The following NCBP2L variants were observed in gnomAD, a reference collection of about 807,000 sequenced individuals.
NCBP2L encodes nuclear cap binding protein subunit 2 like.
For missense variants in NCBP2L, 95 were observed against 53.1 expected, an observed-to-expected ratio of 1.79 and a Z score of -2.45; for synonymous variants, 39 against 19.2, an observed-to-expected ratio of 2.04 and a Z score of -2.70.
At position 107,794,982 on chromosome X, in the gene NCBP2L, G is replaced by T. The variant is rs1026477627; in HGVS notation, c.*300G>T. The T allele has an allele frequency of 6.8e-6, 1 of 148,090 alleles. No individual in the cohort carries two copies. The highest frequency in any genetic ancestry group is 3.1e-5 in the African/African-American group (1 of 31,934). The allele number at this position is 148,090 out of a possible 1,213,427, so 12.2% of individuals were successfully genotyped here. A position where few individuals can be genotyped will look rare whatever the true frequency, so the allele number is the denominator to read the frequency against. On this transcript the variant is annotated 3_prime_UTR_variant, in exon 2 of 2. Transcript: ENST00000509000. ...CAAAGCACAACTTCCCTTTTAAGAA[G>T]ATTTCTGTTGGATTCTATGGCCATG...
rs1569457155 is a variant in NCBP2L, at chrX:107,781,784, A to AGATATCTATATTTATATATAGATATC, written c.-73+3926_-73+3927insGATATCTATATTTATATATAGATATC. 2.2e-3 allele frequency among the ~76,000 whole-genome samples: 164 copies of AGATATCTATATTTATATATAGATATC among 73,397 alleles called. 1 individual carries two copies. The highest frequency in any genetic ancestry group is 7.0e-3 in the African/African-American group (123 of 17,584). The allele number at this position is 73,397 out of a possible 115,157, so 63.7% of individuals were successfully genotyped here. A position where few individuals can be genotyped will look rare whatever the true frequency, so the allele number is the denominator to read the frequency against. ...TATAGATATCTATATATATAGATCT[A>AGATATCTATATTTATATATAGATATC]TAGATATCTATATTTATATATAGAT... On this transcript the variant is annotated intron_variant, in intron 1 of 1. Transcript: ENST00000509000.
chrX:107,781,737 T>C (rs1414590845), intron 1 of NCBP2L, among the ~76,000 whole-genome samples: 6 of 86,245 alleles, frequency 7.0e-5, no homozygotes, highest in African/African-American at 2.6e-4. Context: ...TAGATCTATA[T>C]ATAGATATCT....
intron 1 of NCBP2L, among the ~76,000 whole-genome samples, chrX:107,781,216 CT>C (rs752190503): frequency 0.012 from 1,120 of 89,793 alleles, 11 homozygotes; most frequent in African/African-American, 0.039. Flanking sequence ...TGAAGGCCGG[CT>C]TTTTTTTTTT....
rs1239688588 is a variant in NCBP2L, at chrX:107,782,316, TATATATATAA to T, written c.-73+4468_-73+4477del. On this transcript the variant is annotated intron_variant, in intron 1 of 1. Transcript: ENST00000509000. ...ATATATATAAATATATATATAAATA[TATATATATAA>T]ATATATATATAAATATATATATATA... is the stretch of plus-strand genomic sequence containing the variant. Among the ~76,000 whole-genome samples the T allele has an allele frequency of 7.8e-5, 3 of 38,605 alleles. No homozygotes were observed. The African/African-American group carries it at 8.1e-4, about 10-fold the overall frequency. The allele number at this position is 38,605 out of a possible 115,157, so 33.5% of individuals were successfully genotyped here. A position where few individuals can be genotyped will look rare whatever the true frequency, so the allele number is the denominator to read the frequency against.
At chrX:107,793,440 G>T (rs1930477895) in intron 1 of NCBP2L, among the ~76,000 whole-genome samples, 1 of 111,594 alleles carries the variant, frequency 9.0e-6, no homozygotes, top group South Asian at 3.7e-4. Context: ...AGCTAAAACC[G>T]ACTAAATCGT....
At chrX:107,782,232 T>A (rs1205153342) in intron 1 of NCBP2L, among the ~76,000 whole-genome samples, 1 of 18,514 alleles carries the variant, frequency 5.4e-5, no homozygotes, top group African/African-American at 3.1e-4. Flanking sequence ...AATATATATA[T>A]ATAAATATAT....
chrX:107,781,483 T>C (rs1450228813), intron 1 of NCBP2L, among the ~76,000 whole-genome samples: 3 of 99,022 alleles, frequency 3.0e-5, no homozygotes, highest in African/African-American at 1.1e-4. Flanking sequence ...TTTTTTTTTT[T>C]TTTTTTTTTT....
chrX:107,782,227 A>G (rs1930311252), intron 1 of NCBP2L, among the ~76,000 whole-genome samples: 1 of 15,975 alleles, frequency 6.3e-5, no homozygotes, highest in African/African-American at 3.2e-4. Flanking sequence ...ATATAAATAT[A>G]TATATATAAA....
intron 1 of NCBP2L, among the ~76,000 whole-genome samples, 153 bp downstream of exon 1, chrX:107,778,011 G>A (rs867355896): frequency 2.8e-5 from 3 of 105,641 alleles, no homozygotes; most frequent in Admixed American, 1.0e-4. Context: ...CTTCTTCTTC[G>A]CTTTTTTTTT....
At chrX:107,781,692 C>CTCTCTCTCTCTCTCTCTCTATA (rs1395038482) in intron 1 of NCBP2L, among the ~76,000 whole-genome samples, 3 of 66,917 alleles carry the variant, frequency 4.5e-5, no homozygotes, top group African/African-American at 1.7e-4. Context: ...CTCTCTCTCT[C>CTCTCTCTCTCTCTCTCTCTATA]TATATATATA....
chrX:107,792,116 T>C (rs976478969), intron 1 of NCBP2L, among the ~76,000 whole-genome samples: 3 of 112,337 alleles, frequency 2.7e-5, no homozygotes, highest in African/African-American at 9.7e-5. Context: ...CCTTTGGCTC[T>C]CTGCTAGAAC....
At chrX:107,781,331 C>G (rs1930264019) in intron 1 of NCBP2L, among the ~76,000 whole-genome samples, 1 of 106,800 alleles carries the variant, frequency 9.4e-6, no homozygotes, top group Non-Finnish European at 1.9e-5. Flanking sequence ...GGGGTCCTCC[C>G]AACTCAGCCT....
intron 1 of NCBP2L, among the ~76,000 whole-genome samples, chrX:107,786,149 G>C (rs1020147531): frequency 9.0e-6 from 1 of 110,696 alleles, no homozygotes; most frequent in Non-Finnish European, 1.9e-5. Flanking sequence ...GCCACCTCTG[G>C]AATTCTGGAC....
rs763185279 is a variant in NCBP2L, at chrX:107,779,980, G to A, written c.-73+2122G>A. Among the ~76,000 whole-genome samples the A allele has an allele frequency of 4.4e-3, 466 of 106,828 alleles. 3 individuals are homozygous for A. Among genetic ancestry groups the A allele is most frequent in the African/African-American group, 0.015 (429 of 29,232 alleles). 92.8% of individuals were successfully genotyped at this position (106,828 alleles called of 115,157 possible). On this transcript the variant is annotated intron_variant, in intron 1 of 1. Transcript: ENST00000509000. ...AGGATGGTCTTGATCTCCTGACCTC[G>A]TGATCCGCCCGTCTCGGCCTCCCAA... is the stretch of plus-strand genomic sequence containing the variant.
rs1405952181 is a variant in NCBP2L, at chrX:107,781,651, C to CTATCTATCT, written c.-73+3793_-73+3794insTATCTATCT. Reference sequence around the variant, plus strand: ...TCATTCTATCTATCTATCTATCTATCATCTATCTATCTATCTATCTATCTA... The same window carrying CTATCTATCT: ...TCATTCTATCTATCTATCTATCTATCTATCTATCTATCTATCTATCTATCTATCTATCTA... On this transcript the variant is annotated intron_variant, in intron 1 of 1. Transcript: ENST00000509000. 5.0e-3 allele frequency among the ~76,000 whole-genome samples: 327 copies of CTATCTATCT among 65,198 alleles called. 15 individuals carry two copies. Among genetic ancestry groups the CTATCTATCT allele is most frequent in the African/African-American group, 0.025 (298 of 11,945 alleles). 56.6% of individuals were successfully genotyped at this position (65,198 alleles called of 115,157 possible).
intron 1 of NCBP2L, among the ~76,000 whole-genome samples, chrX:107,782,236 A>T (rs866981501): frequency 6.8e-4 from 5 of 7,365 alleles, no homozygotes; most frequent in African/African-American, 3.0e-3. Flanking sequence ...TATATATATA[A>T]ATATATATAT....
intron 1 of NCBP2L, among the ~76,000 whole-genome samples, chrX:107,781,297 C>G (rs1250742384): frequency 9.9e-6 from 1 of 100,796 alleles, no homozygotes; most frequent in Non-Finnish European, 2.0e-5. Context: ...CTCACTGCAG[C>G]CTTGGCCTGC....
rs1930486520 is a variant in NCBP2L at position 107,794,163 on chromosome X, T to C, written c.-58T>C. 8.2e-6 allele frequency: 4 copies of C among 488,256 alleles called. No individual in the cohort carries two copies. The highest frequency in any genetic ancestry group is 1.5e-5 in the Non-Finnish European group (4 of 271,524). The allele number at this position is 488,256 out of a possible 1,213,427, so 40.2% of individuals were successfully genotyped here. A position where few individuals can be genotyped will look rare whatever the true frequency, so the allele number is the denominator to read the frequency against. ...ACTCAACTTAGGTTTTCAGTGGTGG[T>C]GTCACTGCTGCCAAGCTGGACCGAA... On this transcript the variant is annotated 5_prime_UTR_variant, in exon 2 of 2. Coordinates refer to ENST00000509000, the MANE Select transcript of NCBP2L (RefSeq NM_001348372.2).
intron 1 of NCBP2L, among the ~76,000 whole-genome samples, chrX:107,784,333 G>A (rs776016868): frequency 1.8e-5 from 2 of 111,259 alleles, no homozygotes; most frequent in Non-Finnish European, 3.8e-5. Flanking sequence ...GCAGTTGATA[G>A]TGTTATTGTT....
Sources: gnomAD v4.1 joint callset for allele counts (sites outside exome capture counted in the v4.1 genomes callset) on GRCh38, gnomAD v4.1.1 for gene constraint, MANE v1.5 for transcripts, NCBI Gene and HGNC (gene_info 2026-07-23, HGNC 2026-07-21) for gene names.